The following BCAS2 variants were observed in gnomAD, a reference collection of about 807,000 sequenced individuals.
The protein encoded by BCAS2 is BCAS2 pre-mRNA processing factor, also known as pre-mRNA-splicing factor SPF27.
A neutral mutation model predicts 35.3 loss-of-function variants in BCAS2; 34 were observed. The observed-to-expected ratio is 0.96, with a 90% CI of 0.73 to 1.28. BCAS2 has a LOEUF of 1.28. Ranked by LOEUF, BCAS2 falls within the 50% of genes most tolerant of loss-of-function variation. BCAS2 has a pLI of 0.00. For missense variants in BCAS2, 221 were observed against 268.1 expected, an observed-to-expected ratio of 0.82 and a Z score of 1.23; for synonymous variants, 75 against 91.6, an observed-to-expected ratio of 0.82 and a Z score of 1.03.
At chr1:114,580,130 G>T (rs1449500000) in intron 2 of BCAS2, among the ~76,000 whole-genome samples, 1 of 151,946 alleles carries the variant, frequency 6.6e-6, no homozygotes, top group Non-Finnish European at 1.5e-5. Context: ...TAGAGAAAGG[G>T]TCTCACTATG....
intron 2 of BCAS2, among the ~76,000 whole-genome samples, chr1:114,577,712 C>T (rs143209572): frequency 3.3e-4 from 50 of 152,308 alleles, no homozygotes; most frequent in African/African-American, 1.2e-3. Context: ...CTCTTTAGGG[C>T]CAACGTCCTA....
intron 3 of BCAS2, among the ~76,000 whole-genome samples, chr1:114,576,247 C>CTCTCTCTA (rs1423198106): frequency 7.6e-5 from 10 of 131,670 alleles, no homozygotes; most frequent in African/African-American, 2.9e-4. Flanking sequence ...CTCTCTCTCT[C>CTCTCTCTA]TATATATATA....
chr1:114,576,913 A>G (rs1654781185), intron 2 of BCAS2, among the ~76,000 whole-genome samples, 155 bp from the exon 3 acceptor site: 1 of 152,168 alleles, frequency 6.6e-6, no homozygotes, highest in Admixed American at 6.5e-5. Context: ...TAGAATCTGA[A>G]GCACACACAC....
Position 114,581,214 on chromosome 1 carries a change from G to A in BCAS2, c.186+85C>T, listed in dbSNP as rs1654882103. On this transcript the variant is annotated intron_variant, in intron 2 of 6. Transcript: ENST00000369541. ...GGTAAGTAGTAGCTATGCAGGCAAT[G>A]GTTAAAACTGGAATTTAAAGCTCTC... is the stretch of plus-strand genomic sequence containing the variant. 3 of 1,385,046 alleles carry A rather than the reference G, an allele frequency of 2.2e-6. No individual in the cohort carries two copies. The Admixed American group carries it at 5.0e-5, about 23-fold the overall frequency. 85.8% of individuals were successfully genotyped at this position (1,385,046 alleles called of 1,614,324 possible). A position where few individuals can be genotyped will look rare whatever the true frequency, so the allele number is the denominator to read the frequency against.
chr1:114,575,653 A>T lies in BCAS2; in HGVS notation c.356T>A (p.Val119Asp), dbSNP rs535697720. ...CATTAGTTCCAGATTCTCAATTCTA[A>T]CTGCTTGATGCTCTAACTGGGCCAT... ...NSMAQLEHQA[V>D]RIENLELMSQ... The change falls in exon 4 of 7, where the codon GTT becomes GAT. Residue 119 changes from valine (V) to aspartate (D), a missense_variant. Coordinates refer to ENST00000369541, the MANE Select transcript of BCAS2 (RefSeq NM_005872.3). 2.5e-6 allele frequency: 4 copies of T among 1,612,792 alleles called. No homozygotes were observed. The highest frequency in any genetic ancestry group is 3.4e-6 in the Non-Finnish European group (4 of 1,179,872).
At chr1:114,581,454 G>C in intron 1 of BCAS2, 45 bp downstream of exon 1, 1 of 1,613,750 alleles carries the variant, frequency 6.2e-7, no homozygotes, top group Non-Finnish European at 8.5e-7. Context: ...TTTCAGTACC[G>C]AGCCAGCTAG....
chr1:114,576,351 T>TG (rs1654765012), intron 3 of BCAS2, among the ~76,000 whole-genome samples: 2 of 151,228 alleles, frequency 1.3e-5, no homozygotes, highest in African/African-American at 2.4e-5. Flanking sequence ...CTCCATCTCC[T>TG]GGGGGGTGTC....
rs758070375 is a variant in BCAS2 at position 114,575,690 on chromosome 1, C to T, written c.319G>A (p.Val107Ile). The change falls in exon 4 of 7, where the codon GTA (valine) becomes ATA (isoleucine). Residue 107 changes from valine (V) to isoleucine (I), a missense_variant. Transcript: ENST00000369541. Reference protein sequence around the residue: ...KNDITAWQECVNNSMAQLEHQ... With the variant: ...KNDITAWQECINNSMAQLEHQ... ...TCTAACTGGGCCATAGAATTGTTTA[C>T]ACATTCTTGCCATGCAGTAATGTCA... 1.2e-6 allele frequency: 2 copies of T among 1,613,376 alleles called. No homozygotes were observed. Among genetic ancestry groups the T allele is most frequent in the East Asian group, 2.2e-5 (1 of 44,852 alleles).
intron 3 of BCAS2, among the ~76,000 whole-genome samples, chr1:114,576,243 C>CTA (rs1230082433): frequency 0.015 from 2,157 of 144,950 alleles, 22 homozygotes; most frequent in Non-Finnish European, 0.022. Flanking sequence ...CTCTCTCTCT[C>CTA]TCTCTATATA....
intron 4 of BCAS2, 119 bp downstream of exon 4, chr1:114,575,471 T>C (rs1457520123): frequency 3.4e-5 from 34 of 993,716 alleles, no homozygotes; most frequent in Non-Finnish European, 4.4e-5. Context: ...CTGGGATTAC[T>C]GGCATGAGCC....
At chr1:114,574,112 A>G (rs1441062148) in intron 4 of BCAS2, among the ~76,000 whole-genome samples, 1 of 152,228 alleles carries the variant, frequency 6.6e-6, no homozygotes, top group Non-Finnish European at 1.5e-5. Flanking sequence ...AATAAATACT[A>G]AAGCTAGAGC....
chr1:114,581,254 G>T (rs1157015026), intron 2 of BCAS2, 45 bp downstream of exon 2: 6 of 1,590,906 alleles, frequency 3.8e-6, no homozygotes, highest in Non-Finnish European at 4.3e-6. Flanking sequence ...CAAAATAAAG[G>T]TTCACAGGAA....
chr1:114,579,586 G>A (rs2101631279), intron 2 of BCAS2, among the ~76,000 whole-genome samples: 1 of 152,260 alleles, frequency 6.6e-6, no homozygotes, highest in South Asian at 2.1e-4. Flanking sequence ...CTCAGCCAAG[G>A]CTGGGCATGG....
Position 114,581,362 on chromosome 1 carries a change from G to T in BCAS2, c.123C>A (p.Arg41=), listed in dbSNP as rs773204797. 2 of 1,614,190 alleles carry T rather than the reference G, an allele frequency of 1.2e-6. No individual in the cohort carries two copies. Among genetic ancestry groups the T allele is most frequent in the Non-Finnish European group, 1.7e-6 (2 of 1,180,026 alleles). ...AAAALVEEET[R]RYRPTKNYLS... ...GGTAGTTCTTAGTAGGTCGGTATCT[G>T]CGAGTTTCCTCCTCCACCAGCGCTG... is the stretch of plus-strand genomic sequence containing the variant. Residue 41 remains arginine (R), a synonymous_variant, in exon 2 of 7, where the codon CGC becomes CGA. Coordinates refer to ENST00000369541, the MANE Select transcript of BCAS2 (RefSeq NM_005872.3).
chr1:114,573,835 G>T (rs1654701211), intron 4 of BCAS2, among the ~76,000 whole-genome samples: 1 of 152,108 alleles, frequency 6.6e-6, no homozygotes, highest in Non-Finnish European at 1.5e-5. Flanking sequence ...TTGTCCACTG[G>T]ATCATTTTTA....
At chr1:114,577,328 T>C (rs1654790391) in intron 2 of BCAS2, among the ~76,000 whole-genome samples, 1 of 152,212 alleles carries the variant, frequency 6.6e-6, no homozygotes, top group Non-Finnish European at 1.5e-5. Context: ...CTGTGAACCG[T>C]ACACTTTCCA....
intron 4 of BCAS2, among the ~76,000 whole-genome samples, chr1:114,572,464 TCTC>T (rs1327555483): frequency 2.0e-5 from 3 of 152,212 alleles, no homozygotes; most frequent in Non-Finnish European, 2.9e-5. Context: ...ATATAGTACA[TCTC>T]CTCTGGAGAA....
intron 2 of BCAS2, among the ~76,000 whole-genome samples, chr1:114,580,321 C>T (rs1476862683): frequency 6.6e-6 from 1 of 152,106 alleles, no homozygotes; most frequent in African/African-American, 2.4e-5. Context: ...TACTTGAATC[C>T]AATAATTTAG....
At chr1:114,575,187 T>C (rs1282287674) in intron 4 of BCAS2, among the ~76,000 whole-genome samples, 1 of 38 alleles carries the variant, frequency 0.026, no homozygotes, top group Non-Finnish European at 0.12. Context: ...TTTTCTTTTC[T>C]TTTTTTTTTT....
Sources: allele counts gnomAD v4.1 joint callset (sites outside exome capture counted in the v4.1 genomes callset), GRCh38; gene constraint gnomAD v4.1.1; transcripts MANE v1.5; gene names NCBI Gene and HGNC (gene_info 2026-07-23, HGNC 2026-07-21).